Variants in TTN observed in about 807,000 individuals in gnomAD.
TTN encodes the protein connectin.
A neutral mutation model predicts 3,223.0 loss-of-function variants in TTN; 1,525 were observed. That is an observed-to-expected ratio of 0.47 (90% CI 0.45 to 0.49). TTN has a LOEUF of 0.49. Ranked by LOEUF, TTN falls within the 20% of genes least tolerant of loss-of-function variation. The probability of loss-of-function intolerance (pLI) is 0.00; values close to 1 mark genes in which losing one functional copy is unlikely to be tolerated. For missense variants in TTN, 40,786 were observed against 43,424.0 expected, an observed-to-expected ratio of 0.94 and a Z score of 5.40; for synonymous variants, 14,094 against 15,161.0, an observed-to-expected ratio of 0.93 and a Z score of 5.17.
At chr2:178,790,163 T>A (rs1487031415) in intron 11 of TTN, 48 bp from the exon 12 acceptor site, 4 of 1,579,898 alleles carry the variant, frequency 2.5e-6, no homozygotes, top group Non-Finnish European at 3.4e-6. Context: ...ATTCCATAAA[T>A]CTTTAATAAA....
At chr2:178,713,583 G>A (rs960793165) in intron 92 of TTN, among the ~76,000 whole-genome samples, 2 of 152,052 alleles carry the variant, frequency 1.3e-5, no homozygotes, top group Non-Finnish European at 2.9e-5. Flanking sequence ...GACTTGCTAG[G>A]GATTTTGTTC....
chr2:178,629,335 T>C lies in TTN; in HGVS notation c.44390A>G (p.Tyr14797Cys), dbSNP rs876658060. Residue 14797 changes from tyrosine (Y) to cysteine (C), a missense_variant, in exon 240 of 363, where the codon TAT becomes TGT. Physicochemically the swap from Tyr to Cys is radical, Grantham distance 194 (BLOSUM62 -2). Coordinates refer to ENST00000589042, the MANE Select transcript of TTN (RefSeq NM_001267550.2). Reference protein sequence around the residue: ...LSYEDIPVEWYLKGKKLEPSD... With the variant: ...LSYEDIPVEWCLKGKKLEPSD... ...GGGCTCTAGTTTCTTCCCTTTGAGA[T>C]ACCATTCCACTGGGATATCTTCGTA... 6.2e-7 allele frequency: 1 copy of C among 1,612,836 alleles called. No individual in the cohort carries two copies. The highest frequency in any genetic ancestry group is 8.5e-7 in the Non-Finnish European group (1 of 1,179,248).
intron 10 of TTN, among the ~76,000 whole-genome samples, chr2:178,791,109 C>G (rs1410955582): frequency 1.3e-5 from 2 of 152,154 alleles, no homozygotes; most frequent in African/African-American, 2.4e-5. Context: ...GTTAGGGAAC[C>G]CGGTGGGTGG....
intron 78 of TTN, among the ~76,000 whole-genome samples, chr2:178,721,575 C>G (rs1299615624): frequency 6.6e-6 from 1 of 151,700 alleles, no homozygotes; most frequent in Non-Finnish European, 1.5e-5. Flanking sequence ...AACAAGAAAG[C>G]ATTAAAAAAT....
At chr2:178,617,674 T>G in intron 253 of TTN, 105 bp downstream of exon 253, 1 of 1,477,746 alleles carries the variant, frequency 6.8e-7, no homozygotes, top group Admixed American at 2.4e-5. Flanking sequence ...ATTTTTATGA[T>G]ATTCTACCTT....
In TTN at chr2:178,577,239, A is replaced by T; in HGVS notation, c.69096T>A (p.His23032Gln). The change falls in exon 324 of 363, where the codon CAT (histidine) becomes CAA (glutamine). Residue 23032 changes from histidine to glutamine, a missense_variant. Coordinates refer to ENST00000589042, the MANE Select transcript of TTN (RefSeq NM_001267550.2). The part of the protein sequence containing the change: ...ATNPFGTKVE[H>Q]VKVTVLDVPG... ...GTACATCAAGGACTGTTACCTTCAC[A>T]TGTTCCACCTTCGTGCCAAAAGGAT... 1.2e-6 allele frequency: 2 copies of T among 1,612,968 alleles called. No homozygotes were observed. The highest frequency in any genetic ancestry group is 1.7e-6 in the Non-Finnish European group (2 of 1,179,498).
At chr2:178,800,295 C>A in intron 4 of TTN, 100 bp downstream of exon 4, 1 of 1,478,300 alleles carries the variant, frequency 6.8e-7, no homozygotes, top group South Asian at 1.2e-5. Flanking sequence ...TCACAGCATT[C>A]TTCCCAGGGC....
Position 178,571,015 on chromosome 2 carries a change from A to T in TTN, c.75117T>A (p.Thr25039=), listed in dbSNP as rs1221726226. ...KPTYDGGSKI[T]GYIVEKKELP... is the part of the protein sequence containing the mutation. Reference sequence around the variant, plus strand: ...ATTCTTTCTTCTCAACAATATAACCAGTGATCTTGCTTCCACCGTCATAGG... The same window carrying T: ...ATTCTTTCTTCTCAACAATATAACCTGTGATCTTGCTTCCACCGTCATAGG... Residue 25039 remains threonine, a synonymous_variant, in exon 326 of 363, where the codon ACT becomes ACA. Coordinates refer to ENST00000589042, the MANE Select transcript of TTN (RefSeq NM_001267550.2). 3 of 1,612,722 alleles carry T rather than the reference A, an allele frequency of 1.9e-6. No individual in the cohort carries two copies. Among genetic ancestry groups the T allele is most frequent in the Non-Finnish European group, 2.5e-6 (3 of 1,179,028 alleles).
In TTN at chr2:178,756,366, C is replaced by T. The variant is rs769980091; in HGVS notation, c.11110G>A (p.Glu3704Lys). The change falls in exon 46 of 363, where the codon GAG becomes AAG. Residue 3704 changes from glutamate (E) to lysine (K), a missense_variant. Coordinates refer to ENST00000589042, the MANE Select transcript of TTN (RefSeq NM_001267550.2). ...CCATTTTGTGATTGTTTCAGTCTCTCGGATTCCTCTATCTTTGCACCTTCG... is the reference window on the plus strand; with the variant it reads ...CCATTTTGTGATTGTTTCAGTCTCTTGGATTCCTCTATCTTTGCACCTTCG... ...THEGAKIEES[E>K]RLKQSQNGNI... 15 of 1,613,820 alleles carry T rather than the reference C, an allele frequency of 9.3e-6. No homozygotes were observed. Among genetic ancestry groups the T allele is most frequent in the Middle Eastern group, 1.7e-4 (1 of 6,060 alleles).
In TTN at chr2:178,635,563, T is replaced by C; in HGVS notation, c.41761A>G (p.Thr13921Ala). 6.3e-7 allele frequency: 1 copy of C among 1,594,712 alleles called. No individual in the cohort carries two copies. The highest frequency in any genetic ancestry group is 8.6e-7 in the Non-Finnish European group (1 of 1,169,180). The change falls in exon 227 of 363, where the codon ACT becomes GCT. Residue 13921 changes from threonine to alanine, a missense_variant. Thr to Ala is a moderately conservative substitution (Grantham distance 58). Transcript: ENST00000589042. ...TGATTTCCATCTCTCAGTATTTCAGTCTTATCATTTGGTTCCGCAGGGATT... is the reference window on the plus strand; with the variant it reads ...TGATTTCCATCTCTCAGTATTTCAGCCTTATCATTTGGTTCCGCAGGGATT... ...DEIPAEPNDKTEILRDGNHLY... is the reference protein window; with the variant it reads ...DEIPAEPNDKAEILRDGNHLY...
rs553878555 is a variant in TTN, at chr2:178,532,990, A to G, written c.103625T>C (p.Val34542Ala). ...EERKLRMPYD[V>A]PEPRKYKQTT... The stretch of plus-strand genomic sequence containing the variant: ...CTGCTTATACTTGCGTGGCTCTGGT[A>G]CATCATAAGGCATCCGGAGTTTTCT... The change falls in exon 358 of 363, where the codon GTA (valine) becomes GCA (alanine). Residue 34542 changes from valine to alanine, a missense_variant. By Grantham distance (64) the Val-to-Ala change is moderately conservative. Coordinates refer to ENST00000589042, the MANE Select transcript of TTN (RefSeq NM_001267550.2). 2.5e-6 allele frequency: 4 copies of G among 1,613,914 alleles called. No individual in the cohort carries two copies. The East Asian group carries it at 8.9e-5, about 36-fold the overall frequency.
chr2:178,784,472 CATT>C, intron 15 of TTN, 121 bp from the exon 16 acceptor site: 1 of 1,165,076 alleles, frequency 8.6e-7, no homozygotes. Context: ...CATTAGCACT[CATT>C]ATCACACAGT....
At position 178,702,232 on chromosome 2, in the gene TTN, G is replaced by T. The variant is rs1308539880; in HGVS notation, c.30447C>A (p.Val10149=). 3 of 1,613,924 alleles carry T rather than the reference G, an allele frequency of 1.9e-6. No homozygotes were observed. The Admixed American group carries it at 5.0e-5, about 27-fold the overall frequency. Residue 10149 remains valine, a synonymous_variant, in exon 108 of 363, where the codon GTC becomes GTA. Transcript: ENST00000589042. The stretch of plus-strand genomic sequence containing the variant: ...CACCTCTTGGCTCCAGCCGAGCGAT[G>T]ACCGAGTAGACACCTAGGGTGAAAA... ...VTPDDEGVYS[V]IARLEPRGEA... is the part of the protein sequence containing the mutation.
intron 3 of TTN, among the ~76,000 whole-genome samples, chr2:178,801,503 C>T (rs966361154): frequency 1.3e-5 from 2 of 152,092 alleles, no homozygotes; most frequent in African/African-American, 4.8e-5. Flanking sequence ...ATTGGATAAG[C>T]ATATGTAACT....
At chr2:178,787,309 T>C (rs928077558) in intron 13 of TTN, among the ~76,000 whole-genome samples, 8 of 152,078 alleles carry the variant, frequency 5.3e-5, no homozygotes, top group African/African-American at 1.9e-4. Context: ...CACAAACAAT[T>C]TCATCTGCCT....
In TTN at chr2:178,776,407, T is replaced by G. The variant is rs2092231128; in HGVS notation, c.5457A>C (p.Leu1819Phe). ...GRKGLQRIEE[L>F]ERMAHEGALT... ...GTGCACCTTCATGAGCCATTCTCTC[T>G]AATTCTTCAATTCTCTGTAAGCCTT... The change falls in exon 28 of 363, where the codon TTA (leucine) becomes TTC (phenylalanine). Residue 1819 changes from leucine to phenylalanine, a missense_variant. By Grantham distance (22) the Leu-to-Phe change is conservative. Coordinates refer to ENST00000589042, the MANE Select transcript of TTN (RefSeq NM_001267550.2). 1.2e-6 allele frequency: 2 copies of G among 1,611,922 alleles called. No individual in the cohort carries two copies. The highest frequency in any genetic ancestry group is 1.7e-5 in the Admixed American group (1 of 60,000).
In TTN at chr2:178,543,573, C is replaced by T; in HGVS notation, c.96400G>A (p.Gly32134Arg). ...ITWEIPTIDGGAPVNNYIVEK... is the reference protein window; with the variant it reads ...ITWEIPTIDGRAPVNNYIVEK... ...ACGATGTAATTGTTGACTGGAGCTC[C>T]ACCATCAATCGTGGGAATTTCCCAA... is the stretch of plus-strand genomic sequence containing the variant. Residue 32134 changes from glycine to arginine, a missense_variant, in exon 347 of 363, where the codon GGA becomes AGA. By Grantham distance (125) the Gly-to-Arg change is moderately radical (BLOSUM62 -2). Coordinates refer to ENST00000589042, the MANE Select transcript of TTN (RefSeq NM_001267550.2). 1 of 1,609,614 alleles carries T rather than the reference C, an allele frequency of 6.2e-7. No homozygotes were observed. Among genetic ancestry groups the T allele is most frequent in the South Asian group, 1.1e-5 (1 of 91,044 alleles).
At position 178,704,592 on chromosome 2, in the gene TTN, G is replaced by C; in HGVS notation, c.29880C>G (p.Val9960=). The C allele has an allele frequency of 6.2e-7, 1 of 1,613,162 alleles. No individual in the cohort carries two copies. Among genetic ancestry groups the C allele is most frequent in the Non-Finnish European group, 8.5e-7 (1 of 1,179,440 alleles). ...SIDGDRHTLR[V]KNCQLKDQGN... is the part of the protein sequence containing the mutation. Reference sequence around the variant, plus strand: ...CCTGGTCTTTAAGTTGACAGTTTTTGACTCTGAGTGTATGTCGGTCACCAT... The same window carrying C: ...CCTGGTCTTTAAGTTGACAGTTTTTCACTCTGAGTGTATGTCGGTCACCAT... Residue 9960 remains valine, a synonymous_variant, in exon 105 of 363, where the codon GTC becomes GTG. Coordinates refer to ENST00000589042, the MANE Select transcript of TTN (RefSeq NM_001267550.2).
intron 151 of TTN, among the ~76,000 whole-genome samples, 160 bp downstream of exon 151, chr2:178,674,153 TA>T (rs796998747): frequency 3.3e-5 from 5 of 151,484 alleles, no homozygotes; most frequent in African/African-American, 1.2e-4. Context: ...AAATTTAGGG[TA>T]AAAAAAGGAC....
Sources: allele counts gnomAD v4.1 joint callset (sites outside exome capture counted in the v4.1 genomes callset), GRCh38; gene constraint gnomAD v4.1.1; transcripts MANE v1.5; gene names NCBI Gene and HGNC (gene_info 2026-07-23, HGNC 2026-07-21).